SYNE2: variants seen among roughly 807,000 people sequenced by gnomAD.
SYNE2 encodes the protein nesprin-2.
SYNE2 carries 431 observed loss-of-function variants against 856.3 expected under a neutral mutation model. That is an observed-to-expected ratio of 0.50 (90% CI 0.47 to 0.55). The LOEUF (loss-of-function observed/expected upper bound fraction) is 0.55, where lower values mean the gene tolerates loss of function less well. SYNE2 is among the 20% of genes least tolerant of loss of function. The pLI, the probability that SYNE2 is intolerant of heterozygous loss-of-function variation, is 0.00. For synonymous variants in SYNE2, 2,923 were observed against 2,872.3 expected (o/e 1.02, Z -0.56); for missense variants, 8,129 against 8,023.2 (o/e 1.01, Z -0.50).
chr14:63,948,650 G>C (rs2096074893), intron 6 of SYNE2, among the ~76,000 whole-genome samples: 1 of 120,838 alleles, frequency 8.3e-6, no homozygotes, highest in Admixed American at 9.3e-5. Context: ...GACGGAGCGA[G>C]ACTCCATCTC....
At chr14:64,069,160 T>G (rs2097382474) in intron 51 of SYNE2, among the ~76,000 whole-genome samples, 1 of 152,172 alleles carries the variant, frequency 6.6e-6, no homozygotes, top group African/African-American at 2.4e-5. Flanking sequence ...GGTGCCCCAT[T>G]AAATCCTGGA....
chr14:63,812,566 G>A (rs1888654906), intron 1 of SYNE2, among the ~76,000 whole-genome samples: 1 of 152,092 alleles, frequency 6.6e-6, no homozygotes, highest in Admixed American at 6.6e-5. Flanking sequence ...ATTAATTTTG[G>A]GAACTGATAA....
intron 53 of SYNE2, among the ~76,000 whole-genome samples, chr14:64,074,687 G>A (rs1356772686): frequency 2.6e-5 from 4 of 152,314 alleles, no homozygotes; most frequent in Admixed American, 2.6e-4. Flanking sequence ...CTTGGGGTCA[G>A]GAGGTCAAGA....
intron 89 of SYNE2, among the ~76,000 whole-genome samples, chr14:64,163,784 A>C (rs925635887): frequency 1.3e-5 from 2 of 152,230 alleles, no homozygotes; most frequent in Middle Eastern, 3.2e-3. Flanking sequence ...TGAAGATGTT[A>C]GTTCTAGAAG....
At chr14:63,792,617 T>C (rs1887772912) in intron 1 of SYNE2, among the ~76,000 whole-genome samples, 1 of 151,964 alleles carries the variant, frequency 6.6e-6, no homozygotes, top group Admixed American at 6.6e-5. Flanking sequence ...TAAGATTTTT[T>C]TAGAAGTTAC....
In SYNE2 at chr14:64,214,373, G is replaced by A. The variant is rs139892957; in HGVS notation, c.19236G>A (p.Val6412=). ...ERSGCETPVS[V]DSIPLEWDHT... is the part of the protein sequence containing the mutation. ...CTGGCTGCGAGACCCCTGTCAGCGT[G>A]GACTCCATCCCCCTGGAGTGGGACC... The change falls in exon 106 of 116, where the codon GTG becomes GTA. Residue 6412 remains valine, a synonymous_variant. Transcript: ENST00000555002. 4 of 1,613,958 alleles carry A rather than the reference G, an allele frequency of 2.5e-6. No individual in the cohort carries two copies. The Admixed American group carries it at 5.0e-5, about 20-fold the overall frequency.
intron 11 of SYNE2, among the ~76,000 whole-genome samples, chr14:63,973,847 A>T (rs1656398620): frequency 6.6e-6 from 1 of 152,116 alleles, no homozygotes; most frequent in Non-Finnish European, 1.5e-5. Flanking sequence ...TCTTTTAGAT[A>T]TTTGCTTTTG....
chr14:63,858,728 C>T (rs1463148874), intron 1 of SYNE2, among the ~76,000 whole-genome samples: 2 of 152,104 alleles, frequency 1.3e-5, no homozygotes, highest in African/African-American at 2.4e-5. Flanking sequence ...AATAATGTTA[C>T]GATGGCGATT....
At chr14:63,860,060 G>A (rs1170982876) in intron 1 of SYNE2, among the ~76,000 whole-genome samples, 1 of 148,868 alleles carries the variant, frequency 6.7e-6, no homozygotes, top group Non-Finnish European at 1.5e-5. Context: ...GCACCATCTT[G>A]GCTCACTGCA....
At chr14:63,889,282 T>C (rs1395035997) in intron 1 of SYNE2, among the ~76,000 whole-genome samples, 2 of 152,156 alleles carry the variant, frequency 1.3e-5, no homozygotes, top group South Asian at 2.1e-4. Flanking sequence ...ACAGTTCGAC[T>C]TTCTGTCCTT....
At chr14:64,030,791 A>G (rs557637682) in intron 44 of SYNE2, among the ~76,000 whole-genome samples, 1 of 152,348 alleles carries the variant, frequency 6.6e-6, no homozygotes. Flanking sequence ...GTGTTGTTCT[A>G]AATTACTTGT....
intron 64 of SYNE2, among the ~76,000 whole-genome samples, chr14:64,106,005 T>G (rs1050174177): frequency 1.3e-5 from 2 of 149,298 alleles, no homozygotes; most frequent in Non-Finnish European, 3.0e-5. Context: ...AAGCTAAGAT[T>G]GCACCACTGC....
At position 63,843,025 on chromosome 14, in the gene SYNE2, A is replaced by C. The variant is rs559391765; in HGVS notation, c.-304-9476A>C. On this transcript the variant is annotated intron_variant, in intron 1 of 23. Transcript: ENST00000674003. ...ATGTATGAAGGGTATTGTTTTTTGTATGTTAATTTAATTTTTTTTTGAGAT... is the reference window on the plus strand; with the variant it reads ...ATGTATGAAGGGTATTGTTTTTTGTCTGTTAATTTAATTTTTTTTTGAGAT... 2.0e-5 allele frequency among the ~76,000 whole-genome samples: 3 copies of C among 151,552 alleles called. No homozygotes were observed. The South Asian group carries it at 6.3e-4, about 32-fold the overall frequency.
Position 64,167,353 on chromosome 14 carries a change from AT to A in SYNE2, c.16728del (p.Arg5577GlyfsTer18). 6.2e-7 allele frequency: 1 copy of A among 1,614,216 alleles called. No homozygotes were observed. The highest frequency in any genetic ancestry group is 1.1e-5 in the South Asian group (1 of 91,084). On this transcript the variant is annotated frameshift_variant, in exon 91 of 116. Transcript: ENST00000555002. LOFTEE classifies it high-confidence loss of function. The stretch of plus-strand genomic sequence containing the variant: ...GTTACAAAATATGAACCGGCAATGG[AT>A]TCGGGCCACGGCCACGGCACTGGAG... ...KTLQNMNRQW[I>X]RATATALERC...
At position 64,055,998 on chromosome 14, in the gene SYNE2, A is replaced by G. The variant is rs760074471; in HGVS notation, c.9799A>G (p.Arg3267Gly). Residue 3267 changes from arginine (R) to glycine (G), a missense_variant, in exon 49 of 116, where the codon AGG becomes GGG. Physicochemically the swap from Arg to Gly is moderately radical, Grantham distance 125 (BLOSUM62 -2). This residue lies in a region of SYNE2 where 5,410 missense variants were observed against 5,284.8 expected (regional missense o/e 1.02). Coordinates refer to ENST00000555002, the MANE Select transcript of SYNE2 (RefSeq NM_182914.3). Reference sequence around the variant, plus strand: ...AACACGCTATAAAGAAGCAGTCACCAGGGCAGTGGAGAGCATCACTTCCCT... The same window carrying G: ...AACACGCTATAAAGAAGCAGTCACCGGGGCAGTGGAGAGCATCACTTCCCT... ...NLTRYKEAVT[R>G]AVESITSLEA... 10 of 1,613,964 alleles carry G rather than the reference A, an allele frequency of 6.2e-6. No individual in the cohort carries two copies. Among genetic ancestry groups the G allele is most frequent in the Non-Finnish European group, 8.5e-6 (10 of 1,179,940 alleles).
intron 86 of SYNE2, among the ~76,000 whole-genome samples, chr14:64,159,101 G>C (rs2098308869): frequency 6.6e-6 from 1 of 151,210 alleles, no homozygotes; most frequent in Non-Finnish European, 1.5e-5. Context: ...GTATGCCTAA[G>C]TGCTAAGTAC....
rs181764447 is a variant in SYNE2 at position 64,005,400 on chromosome 14, G to A, written c.4398-1643G>A. Among the ~76,000 whole-genome samples, 23 of 152,276 alleles carry A rather than the reference G, an allele frequency of 1.5e-4. No homozygotes were observed. The East Asian group carries it at 4.1e-3, about 27-fold the overall frequency. Reference sequence around the variant, plus strand: ...ATTCTGTATATAGTTTGAAGATAGAGACCAGATGATTTATTGACACATGGA... The same window carrying A: ...ATTCTGTATATAGTTTGAAGATAGAAACCAGATGATTTATTGACACATGGA... On this transcript the variant is annotated intron_variant, in intron 30 of 115. Transcript: ENST00000555002.
chr14:64,015,831 A>T (rs1363263349), intron 32 of SYNE2, among the ~76,000 whole-genome samples: 1 of 151,924 alleles, frequency 6.6e-6, no homozygotes, highest in Non-Finnish European at 1.5e-5. Context: ...TAGTGCTATA[A>T]ATTTCCCTCT....
At chr14:64,135,352 A>C (rs77154789) in intron 78 of SYNE2, among the ~76,000 whole-genome samples, 1,679 of 152,306 alleles carry the variant, frequency 0.011, 16 homozygotes, top group South Asian at 0.023. Context: ...GAGGTATTTT[A>C]ACCTCTATAA....
Sources: allele counts gnomAD v4.1 joint callset (sites outside exome capture counted in the v4.1 genomes callset), GRCh38; gene constraint gnomAD v4.1.1; regional missense constraint gnomAD v4.1.1; transcripts MANE v1.5; gene names NCBI Gene and HGNC (gene_info 2026-07-23, HGNC 2026-07-21).